Variants in KCNG4 observed in about 807,000 individuals in gnomAD.
KCNG4 encodes voltage-gated potassium channel regulatory subunit KCNG4.
A neutral mutation model predicts 28.2 loss-of-function variants in KCNG4; 30 were observed. The observed-to-expected ratio is 1.06, with a 90% CI of 0.80 to 1.44. The LOEUF is 1.44. Ranked by LOEUF, KCNG4 falls within the 40% of genes most tolerant of loss-of-function variation. The pLI, the probability that KCNG4 is intolerant of heterozygous loss-of-function variation, is 0.00. For synonymous variants in KCNG4, 375 were observed against 315.5 expected, an observed-to-expected ratio of 1.19 and a Z score of -2.00; for missense variants, 879 against 712.3, an observed-to-expected ratio of 1.23 and a Z score of -2.66.
rs1904883695 is a variant in KCNG4 at position 84,233,997 on chromosome 16, A to C, written c.756+2733T>G. Among the ~76,000 whole-genome samples the C allele has an allele frequency of 3.3e-5, 5 of 152,294 alleles. No individual in the cohort carries two copies. In the South Asian group the frequency reaches 1.0e-3, roughly 32 times the overall value. The stretch of plus-strand genomic sequence containing the variant: ...ACTTCCCTATGCTGCCACAGGGATG[A>C]AATCAGTCCACGGTGTGAAATGCCA... On this transcript the variant is annotated intron_variant, in intron 2 of 2. Transcript: ENST00000308251.
Position 84,222,497 on chromosome 16 carries a change from C to T in KCNG4, c.1280G>A (p.Arg427His), listed in dbSNP as rs35649980. The change falls in exon 3 of 3, where the codon CGC becomes CAC. Residue 427 changes from arginine to histidine, a missense_variant. Coordinates refer to ENST00000308251, the MANE Select transcript of KCNG4 (RefSeq NM_172347.3). ...TTVGYGDMVP[R>H]SVPGQMVALS... ...GGCCACCATCTGGCCTGGCACACTG[C>T]GGGGCACCATGTCCCCGTAGCCCAC... 0.076 allele frequency: 122,511 copies of T among 1,613,386 alleles called. 4,977 individuals are homozygous for T. The highest frequency in any genetic ancestry group is 0.099 in the East Asian group (4,428 of 44,864).
At chr16:84,227,753 A>G (rs1432885758) in intron 2 of KCNG4, among the ~76,000 whole-genome samples, 2 of 152,224 alleles carry the variant, frequency 1.3e-5, no homozygotes, top group African/African-American at 2.4e-5. Context: ...AAAGGAATGA[A>G]GGGCTAAATC....
chr16:84,236,863 C>A lies in KCNG4; in HGVS notation c.623G>T (p.Arg208Leu). ...SRWGLCMNRL[R>L]EMVENPQSGL... is the part of the protein sequence containing the mutation. ...GGACTGCGGGTTTTCCACCATCTCG[C>A]GCAGCCGGTTCATGCACAGGCCCCA... The change falls in exon 2 of 3, where the codon CGC (arginine) becomes CTC (leucine). Residue 208 changes from arginine (R) to leucine (L), a missense_variant. Physicochemically the swap from Arg to Leu is moderately radical, Grantham distance 102. Coordinates refer to ENST00000308251, the MANE Select transcript of KCNG4 (RefSeq NM_172347.3). 6.2e-7 allele frequency: 1 copy of A among 1,613,520 alleles called. No homozygotes were observed.
rs1370436465 is a variant in KCNG4 at position 84,226,771 on chromosome 16, T to C, written c.757-3751A>G. ...ACACATGCCTGTAATCCCAGCTACT[T>C]GGCGGGCTGAGGCAGGAGAATGGCT... On this transcript the variant is annotated intron_variant, in intron 2 of 2. Transcript: ENST00000308251. The surrounding 1 kb of genome is among the most constrained non-coding windows in gnomAD (Gnocchi z 4.1). 7.6e-6 allele frequency among the ~76,000 whole-genome samples: 1 copy of C among 131,666 alleles called. No individual in the cohort carries two copies. Among genetic ancestry groups the C allele is most frequent in the Non-Finnish European group, 1.7e-5 (1 of 58,006 alleles). The allele number at this position is 131,666 out of a possible 152,430, so 86.4% of individuals were successfully genotyped here.
rs571612104 is a variant in KCNG4, at chr16:84,237,039, G to A, written c.447C>T (p.Tyr149=). ...CCAGGTGGGCCTCCTCGATGCCCCA[G>A]TAGGCCAGCTCCTCCTGGAAGGACA... ...CALSFQEELA[Y]WGIEEAHLER... Residue 149 remains tyrosine, a synonymous_variant, in exon 2 of 3, where the codon TAC becomes TAT. Transcript: ENST00000308251. The A allele has an allele frequency of 6.8e-6, 11 of 1,613,982 alleles. No individual in the cohort carries two copies. The highest frequency in any genetic ancestry group is 3.3e-5 in the South Asian group (3 of 91,074).
At chr16:84,227,908 C>T (rs754286626) in intron 2 of KCNG4, among the ~76,000 whole-genome samples, 37 of 152,068 alleles carry the variant, frequency 2.4e-4, no homozygotes, top group Non-Finnish European at 4.7e-4. Flanking sequence ...GGTGGGTGTC[C>T]GGGGCTGGAT....
rs35897416 is a variant in KCNG4 at position 84,226,282 on chromosome 16, T to C, written c.757-3262A>G. On this transcript the variant is annotated intron_variant, in intron 2 of 2. Transcript: ENST00000308251. The surrounding 1 kb of genome is among the most constrained non-coding windows in gnomAD (Gnocchi z 4.1). ...CAAGCCGGGTGTGTGTTTCCACTTGTGGGAAGCTCGAGAACAGGCAGCCTC... is the reference window on the plus strand; with the variant it reads ...CAAGCCGGGTGTGTGTTTCCACTTGCGGGAAGCTCGAGAACAGGCAGCCTC... Among the ~76,000 whole-genome samples the C allele has an allele frequency of 0.11, 17,479 of 152,056 alleles. 1,363 individuals carry two copies. Among genetic ancestry groups the C allele is most frequent in the African/African-American group, 0.22 (9,207 of 41,436 alleles).
rs1327799538 is a variant in KCNG4 at position 84,231,424 on chromosome 16, A to C, written c.756+5306T>G. 1.1e-4 allele frequency among the ~76,000 whole-genome samples: 16 copies of C among 152,280 alleles called. No homozygotes were observed. In the East Asian group the frequency reaches 3.1e-3, roughly 29 times the overall value. On this transcript the variant is annotated intron_variant, in intron 2 of 2. Transcript: ENST00000308251. ...CCACTGCAGGTGGCCAGTGGTGTTC[A>C]GGCTGCCAGGAGGGAGGGAAAGGCA...
chr16:84,232,804 C>T (rs1018388349), intron 2 of KCNG4, among the ~76,000 whole-genome samples: 5 of 144,270 alleles, frequency 3.5e-5, no homozygotes, highest in African/African-American at 5.2e-5. Context: ...GAGGCTGAGG[C>T]GGGAGGATTG....
In KCNG4 at chr16:84,236,973, C is replaced by CT; in HGVS notation, c.512dup (p.Leu172AlafsTer143). 1.2e-6 allele frequency: 2 copies of CT among 1,613,766 alleles called. No individual in the cohort carries two copies. The highest frequency in any genetic ancestry group is 2.2e-5 in the East Asian group (1 of 44,862). ...TGTGCAGCTTGGCCAGCTCCTCCAG[C>CT]TCCTCCAGCTTCCTCAGCAGCTTCC... is the stretch of plus-strand genomic sequence containing the variant. On this transcript the variant is annotated frameshift_variant, in exon 2 of 3. Transcript: ENST00000308251. LOFTEE classifies it high-confidence loss of function.
intron 2 of KCNG4, among the ~76,000 whole-genome samples, chr16:84,228,925 G>C (rs939716171): frequency 1.3e-5 from 2 of 152,216 alleles, no homozygotes; most frequent in Non-Finnish European, 2.9e-5. Flanking sequence ...ATCCATCACC[G>C]GCTCTCCACG....
In KCNG4 at chr16:84,220,100, C is replaced by T. The variant is rs1213991719; in HGVS notation, c.*2117G>A. ...TAAATAAGTAATAAATAAAATGTTA[C>T]TCTGGAACAGAAACACTTCTATGGC... On this transcript the variant is annotated 3_prime_UTR_variant, in exon 3 of 3. Transcript: ENST00000308251. 3 of 152,224 alleles carry T rather than the reference C, an allele frequency of 2.0e-5. No homozygotes were observed. The East Asian group carries it at 5.8e-4, about 29-fold the overall frequency. 9.4% of individuals were successfully genotyped at this position (152,224 alleles called of 1,614,324 possible).
rs547405416 is a variant in KCNG4, at chr16:84,237,053, C to T, written c.433G>A (p.Glu145Lys). 6.2e-7 allele frequency: 1 copy of T among 1,614,124 alleles called. No homozygotes were observed. Among genetic ancestry groups the T allele is most frequent in the South Asian group, 1.1e-5 (1 of 91,080 alleles). The change falls in exon 2 of 3, where the codon GAG becomes AAG. Residue 145 changes from glutamate (E) to lysine (K), a missense_variant. Transcript: ENST00000308251. The part of the protein sequence containing the change: ...LQEMCALSFQ[E>K]ELAYWGIEEA... ...TCGATGCCCCAGTAGGCCAGCTCCTCCTGGAAGGACAGCGCGCACATCTCC... is the reference window on the plus strand; with the variant it reads ...TCGATGCCCCAGTAGGCCAGCTCCTTCTGGAAGGACAGCGCGCACATCTCC...
chr16:84,218,954 G>T lies in KCNG4; in HGVS notation c.*3263C>A, dbSNP rs1904492465. The T allele has an allele frequency of 6.6e-6, 1 of 152,304 alleles. No homozygotes were observed. The highest frequency in any genetic ancestry group is 1.9e-4 in the East Asian group (1 of 5,180). 9.4% of individuals were successfully genotyped at this position (152,304 alleles called of 1,614,324 possible). ...GCTGTCATTAAGAAGTTTTCACCAG[G>T]CATGCGCACAAAATATGTCTTCGAT... On this transcript the variant is annotated 3_prime_UTR_variant, in exon 3 of 3. Transcript: ENST00000308251.
rs202022936 is a variant in KCNG4 at position 84,236,704 on chromosome 16, C to T, written c.756+26G>A. 82 of 1,587,450 alleles carry T rather than the reference C, an allele frequency of 5.2e-5. 1 individual carries two copies. The East Asian group carries it at 1.2e-3, about 24-fold the overall frequency. ...GCCCAGGCACCCTGCGGGATGGAGC[C>T]GTGAATGCCATCAGAGGCCGCTCAC... On this transcript the variant is annotated intron_variant, in intron 2 of 2. Transcript: ENST00000308251.
At position 84,218,902 on chromosome 16, in the gene KCNG4, T is replaced by G. The variant is rs2151334514; in HGVS notation, c.*3315A>C. 6.6e-6 allele frequency: 1 copy of G among 152,338 alleles called. No homozygotes were observed. The highest frequency in any genetic ancestry group is 1.5e-5 in the Non-Finnish European group (1 of 68,042). The allele number at this position is 152,338 out of a possible 1,614,324, so 9.4% of individuals were successfully genotyped here. On this transcript the variant is annotated 3_prime_UTR_variant, in exon 3 of 3. Transcript: ENST00000308251. The stretch of plus-strand genomic sequence containing the variant: ...GCAGAGGAGAAGGGATATGCCTGGG[T>G]AGAAGCCAGTTACAGGGATGGGCAG...
Position 84,237,420 on chromosome 16 carries a change from A to G in KCNG4, c.66T>C (p.Pro22=). Residue 22 remains proline (P), a synonymous_variant, in exon 2 of 3, where the codon CCT becomes CCC. Coordinates refer to ENST00000308251, the MANE Select transcript of KCNG4 (RefSeq NM_172347.3). ...TGGGGCTGGACAGGAGCTGACTCCAAGGGCTGTGGGAACCATAGTGGTGGT... is the reference window on the plus strand; with the variant it reads ...TGGGGCTGGACAGGAGCTGACTCCAGGGGCTGTGGGAACCATAGTGGTGGT... ...PRHHHYGSHS[P]WSQLLSSPME... 2 of 1,517,694 alleles carry G rather than the reference A, an allele frequency of 1.3e-6. No homozygotes were observed. Among genetic ancestry groups the G allele is most frequent in the Non-Finnish European group, 8.8e-7 (1 of 1,134,224 alleles). 94.0% of individuals were successfully genotyped at this position (1,517,694 alleles called of 1,614,324 possible).
At chr16:84,236,333 T>C (rs916006081) in intron 2 of KCNG4, 3 of 293,294 alleles carry the variant, frequency 1.0e-5, no homozygotes, top group Non-Finnish European at 1.9e-5. Flanking sequence ...ACTGGGTGAG[T>C]AAACCTTCGA....
chr16:84,236,544 A>G (rs1206168962), intron 2 of KCNG4, 186 bp downstream of exon 2: 4 of 855,596 alleles, frequency 4.7e-6, no homozygotes, highest in Non-Finnish European at 6.9e-6. Flanking sequence ...CTCCAATAAA[A>G]AAAAAAAAGA....
Sources: allele counts gnomAD v4.1 joint callset (sites outside exome capture counted in the v4.1 genomes callset), GRCh38; gene constraint gnomAD v4.1.1; non-coding constraint Gnocchi (gnomAD v3.1); transcripts MANE v1.5; gene names NCBI Gene and HGNC (gene_info 2026-07-23, HGNC 2026-07-21).